NFKBIA: variants seen among roughly 807,000 people sequenced by gnomAD.
The protein encoded by NFKBIA is NF-kappa-B inhibitor alpha.
NFKBIA carries 10 observed loss-of-function variants against 36.3 expected under a neutral mutation model. That is an observed-to-expected ratio of 0.28 (90% confidence interval 0.17 to 0.47). The LOEUF is 0.47. Ranked by LOEUF, NFKBIA falls within the 20% of genes least tolerant of loss-of-function variation. The pLI, the probability that NFKBIA is intolerant of heterozygous loss-of-function variation, is 0.99. For synonymous variants in NFKBIA, 205 were observed against 164.4 expected (o/e 1.25, Z -1.89); for missense variants, 355 against 399.3 (o/e 0.89, Z 0.94).
chr14:35,401,894 TG>T lies in NFKBIA; in HGVS notation c.*118del. The T allele has an allele frequency of 8.9e-7, 1 of 1,120,216 alleles. No individual in the cohort carries two copies. The highest frequency in any genetic ancestry group is 1.3e-6 in the Non-Finnish European group (1 of 748,020). The allele number at this position is 1,120,216 out of a possible 1,614,324, so 69.4% of individuals were successfully genotyped here. A position where few individuals can be genotyped will look rare whatever the true frequency, so the allele number is the denominator to read the frequency against. On this transcript the variant is annotated 3_prime_UTR_variant, in exon 6 of 6. Coordinates refer to ENST00000216797, the MANE Select transcript of NFKBIA (RefSeq NM_020529.3). ...CAATAAGACGTTTTGGGCCAGGCAGTGTGCAGTGTGGATATAAGTACACCCT... is the reference window on the plus strand; with the variant it reads ...CAATAAGACGTTTTGGGCCAGGCAGTTGCAGTGTGGATATAAGTACACCCT...
At chr14:35,403,067 G>T in intron 3 of NFKBIA, 83 bp downstream of exon 3, 3 of 1,475,662 alleles carry the variant, frequency 2.0e-6, no homozygotes, top group Non-Finnish European at 2.8e-6. Context: ...CTCTTGCCTG[G>T]ACTCCTTAAG....
chr14:35,403,354 G>C lies in NFKBIA; in HGVS notation c.343C>G (p.Leu115Val), dbSNP rs2052749243. The part of the protein sequence containing the change: ...NFQNNLQQTP[L>V]HLAVITNQPE... Reference sequence around the variant, plus strand: ...TGGTTGGTGATCACAGCCAAGTGGAGTGGAGTCTACGAATGCAAGAGAGAC... The same window carrying C: ...TGGTTGGTGATCACAGCCAAGTGGACTGGAGTCTACGAATGCAAGAGAGAC... The change falls in exon 3 of 6, where the codon CTC becomes GTC. Residue 115 changes from leucine (L) to valine (V), a missense_variant. By Grantham distance (32) the Leu-to-Val change is conservative. Transcript: ENST00000216797. 6.2e-7 allele frequency: 1 copy of C among 1,613,920 alleles called. No individual in the cohort carries two copies.
At position 35,402,453 on chromosome 14, in the gene NFKBIA, T is replaced by A. The variant is rs989569540; in HGVS notation, c.847A>T (p.Ser283Cys). Residue 283 changes from serine (S) to cysteine (C), a missense_variant, in exon 5 of 6, where the codon AGT (serine) becomes TGT (cysteine). Ser to Cys is a moderately radical substitution (Grantham distance 112). Transcript: ENST00000216797. ...TLENLQMLPE[S>C]EDEESYDTES... ...GTGTCATAGCTCTCCTCATCCTCAC[T>A]CTCTGGCAGCATCTGAAGGTTTTCT... is the stretch of plus-strand genomic sequence containing the variant. The A allele has an allele frequency of 8.1e-6, 13 of 1,614,024 alleles. No homozygotes were observed. The Admixed American group carries it at 2.0e-4, about 25-fold the overall frequency.
At chr14:35,403,404 AC>A in intron 2 of NFKBIA, 44 bp from the exon 3 acceptor site, 6 of 1,600,992 alleles carry the variant, frequency 3.7e-6, no homozygotes, top group Non-Finnish European at 5.1e-6. Flanking sequence ...CATGGACCAA[AC>A]CCACACCCCG....
At chr14:35,403,955 G>A (rs537460283) in intron 1 of NFKBIA, 157 bp from the exon 2 acceptor site, 129 of 672,352 alleles carry the variant, frequency 1.9e-4, no homozygotes, top group Non-Finnish European at 3.1e-4. Context: ...GTTCCTGGCA[G>A]GCGCCCAGGG....
chr14:35,403,143 G>A lies in NFKBIA; in HGVS notation c.547+7C>T. ...GGGGGTGGGGCAGGGCAGGGAGGCA[G>A]ACATACCATTGTAGTTGGTAGCCTT... On this transcript the variant is annotated splice_region_variant and intron_variant, in intron 3 of 5. Transcript: ENST00000216797. The A allele has an allele frequency of 6.2e-7, 1 of 1,609,512 alleles. No homozygotes were observed. Among genetic ancestry groups the A allele is most frequent in the South Asian group, 1.1e-5 (1 of 90,918 alleles).
intron 3 of NFKBIA, 29 bp downstream of exon 3, chr14:35,403,121 G>A (rs775647729): frequency 1.2e-6 from 2 of 1,600,514 alleles, no homozygotes; most frequent in African/African-American, 1.3e-5. Flanking sequence ...CCTCCGAGGG[G>A]GTGGGGCAGG....
In NFKBIA at chr14:35,401,887, C is replaced by T. The variant is rs696; in HGVS notation, c.*126G>A. ...CCTACCACAATAAGACGTTTTGGGC[C>T]AGGCAGTGTGCAGTGTGGATATAAG... On this transcript the variant is annotated 3_prime_UTR_variant, in exon 6 of 6. Transcript: ENST00000216797. The T allele has an allele frequency of 0.37, 393,612 of 1,053,372 alleles. 77,200 individuals carry two copies. The highest frequency in any genetic ancestry group is 0.61 in the African/African-American group (37,261 of 61,298). 65.3% of individuals were successfully genotyped at this position (1,053,372 alleles called of 1,614,324 possible).
chr14:35,403,048 G>A, intron 3 of NFKBIA, 102 bp downstream of exon 3: 1 of 1,385,640 alleles, frequency 7.2e-7, no homozygotes, highest in African/African-American at 1.4e-5. Flanking sequence ...CAAATGTTAG[G>A]AGTTTAAGCT....
intron 2 of NFKBIA, 72 bp from the exon 3 acceptor site, chr14:35,403,432 T>TG: frequency 6.6e-7 from 1 of 1,518,360 alleles, no homozygotes; most frequent in Non-Finnish European, 9.1e-7. Flanking sequence ...CCTCAACCCG[T>TG]GTCTCCTGGT....
At chr14:35,403,391 A>T in intron 2 of NFKBIA, 31 bp from the exon 3 acceptor site, 1 of 1,611,460 alleles carries the variant, frequency 6.2e-7, no homozygotes, top group South Asian at 1.1e-5. Flanking sequence ...AGAGAAAGTA[A>T]GCCATGGACC....
At chr14:35,402,358 C>T in intron 5 of NFKBIA, 36 bp downstream of exon 5, 2 of 1,613,378 alleles carry the variant, frequency 1.2e-6, no homozygotes, top group Non-Finnish European at 1.7e-6. Context: ...AATGGCACCT[C>T]ATTAGTTAGA....
chr14:35,401,629 T>C lies in NFKBIA; in HGVS notation c.*384A>G, dbSNP rs570182384. The stretch of plus-strand genomic sequence containing the variant: ...ACAAACCTTGACAGGTAGTAACTTT[T>C]CACCCCACATCACTGAACGCTTAAC... On this transcript the variant is annotated 3_prime_UTR_variant, in exon 6 of 6. Transcript: ENST00000216797. The C allele has an allele frequency of 3.0e-6, 1 of 336,240 alleles. No homozygotes were observed. Among genetic ancestry groups the C allele is most frequent in the African/African-American group, 2.1e-5 (1 of 47,716 alleles). The allele number at this position is 336,240 out of a possible 1,614,324, so 20.8% of individuals were successfully genotyped here. A position where few individuals can be genotyped will look rare whatever the true frequency, so the allele number is the denominator to read the frequency against.
rs2052727619 is a variant in NFKBIA, at chr14:35,401,719, A to G, written c.*294T>C. 2.0e-6 allele frequency: 1 copy of G among 496,568 alleles called. No homozygotes were observed. 30.8% of individuals were successfully genotyped at this position (496,568 alleles called of 1,614,324 possible). On this transcript the variant is annotated 3_prime_UTR_variant, in exon 6 of 6. Transcript: ENST00000216797. ...AGTCACTCGAAGCACAATAAATATAAAATGTGGTCCTTCCATGAAATTTTT... is the reference window on the plus strand; with the variant it reads ...AGTCACTCGAAGCACAATAAATATAGAATGTGGTCCTTCCATGAAATTTTT...
intron 1 of NFKBIA, 44 bp from the exon 2 acceptor site, chr14:35,403,842 C>T (rs1386644458): frequency 1.4e-6 from 2 of 1,448,090 alleles, no homozygotes; most frequent in South Asian, 1.2e-5. Flanking sequence ...GTGAGTGCAC[C>T]GCGTGGGGCC....
chr14:35,402,967 C>T, intron 3 of NFKBIA, 108 bp from the exon 4 acceptor site: 6 of 1,289,524 alleles, frequency 4.7e-6, no homozygotes, highest in Non-Finnish European at 6.6e-6. Context: ...TAAGAACCCA[C>T]AGTCTGGGTT....
rs796572462 is a variant in NFKBIA at position 35,401,935 on chromosome 14, CTTTT to C, written c.*74_*77del. 68 of 1,547,426 alleles carry C rather than the reference CTTTT, an allele frequency of 4.4e-5. No homozygotes were observed. The highest frequency in any genetic ancestry group is 5.9e-5 in the Non-Finnish European group (66 of 1,126,924). ...AAGTACACCCTTTAAATTTTTTCTTCTTTTTTCTTTTTTTAGAAAAATAAAACTT... is the reference window on the plus strand; with the variant it reads ...AAGTACACCCTTTAAATTTTTTCTTCTTCTTTTTTTAGAAAAATAAAACTT... On this transcript the variant is annotated 3_prime_UTR_variant, in exon 6 of 6. Coordinates refer to ENST00000216797, the MANE Select transcript of NFKBIA (RefSeq NM_020529.3).
intron 4 of NFKBIA, 52 bp from the exon 5 acceptor site, chr14:35,402,715 TC>T: frequency 6.2e-7 from 1 of 1,614,106 alleles, no homozygotes. Context: ...GAATTTCTGC[TC>T]ACAACATAAG....
chr14:35,403,389 T>G (rs375382497), intron 2 of NFKBIA, 29 bp from the exon 3 acceptor site: 4 of 1,611,738 alleles, frequency 2.5e-6, no homozygotes, highest in Non-Finnish European at 8.5e-7. Context: ...CCAGAGAAAG[T>G]AAGCCATGGA....
Sources: allele counts gnomAD v4.1 joint callset, GRCh38; gene constraint gnomAD v4.1.1; transcripts MANE v1.5; gene names NCBI Gene and HGNC (gene_info 2026-07-23, HGNC 2026-07-21).